The following ZNF510 variants were observed in gnomAD, a reference collection of about 807,000 sequenced individuals.
ZNF510 encodes zinc finger protein 510.
In ZNF510, 15 loss-of-function variants were observed where a neutral mutation model predicts 18.1. That is an observed-to-expected ratio of 0.83 (90% CI 0.55 to 1.28). ZNF510 has a LOEUF of 1.28. Ranked by LOEUF, ZNF510 falls within the 50% of genes most tolerant of loss-of-function variation. The pLI is 0.00. For missense variants in ZNF510, 724 were observed against 791.8 expected, an observed-to-expected ratio of 0.91 and a Z score of 1.03; for synonymous variants, 261 against 266.4, an observed-to-expected ratio of 0.98 and a Z score of 0.20.
At chr9:96,768,448 C>T (rs73656959) in intron 3 of ZNF510, among the ~76,000 whole-genome samples, 9,029 of 152,026 alleles carry the variant, frequency 0.059, 882 homozygotes, top group African/African-American at 0.2. Context: ...AGATTTAATA[C>T]ATGGAAAAGA....
At chr9:96,767,314 C>T (rs186622611) in intron 3 of ZNF510, among the ~76,000 whole-genome samples, 13 of 149,604 alleles carry the variant, frequency 8.7e-5, no homozygotes, top group Admixed American at 3.9e-4. Flanking sequence ...GGTGATAGAG[C>T]GAGACTCTGT....
In ZNF510 at chr9:96,759,772, T is replaced by C. The variant is rs543421114; in HGVS notation, c.1058A>G (p.Asp353Gly). ...NNFNRKAHLT[D>G]PQTAVIEENP... Reference sequence around the variant, plus strand: ...CTCTTCTATGACAGCTGTTTGAGGATCAGTGAGGTGTGCCTTTCTGTTGAA... The same window carrying C: ...CTCTTCTATGACAGCTGTTTGAGGACCAGTGAGGTGTGCCTTTCTGTTGAA... Residue 353 changes from aspartate (D) to glycine (G), a missense_variant, in exon 6 of 6, where the codon GAT becomes GGT. Physicochemically the swap from Asp to Gly is moderately conservative, Grantham distance 94. Transcript: ENST00000223428. 1 of 1,614,090 alleles carries C rather than the reference T, an allele frequency of 6.2e-7. No homozygotes were observed. The highest frequency in any genetic ancestry group is 1.1e-5 in the South Asian group (1 of 91,080).
rs1280291560 is a variant in ZNF510 at position 96,759,415 on chromosome 9, T to A, written c.1415A>T (p.Lys472Met). The A allele has an allele frequency of 6.2e-7, 1 of 1,614,066 alleles. No individual in the cohort carries two copies. The highest frequency in any genetic ancestry group is 2.2e-5 in the East Asian group (1 of 44,894). The change falls in exon 6 of 6, where the codon AAG becomes ATG. Residue 472 changes from lysine to methionine, a missense_variant. Physicochemically the swap from Lys to Met is moderately conservative, Grantham distance 95. Transcript: ENST00000223428. Reference protein sequence around the residue: ...CNECGKTFVQKSTLRGHQRIH... With the variant: ...CNECGKTFVQMSTLRGHQRIH... ...TCTTTGATGTCCCCTGAGGGTTGACTTCTGGACAAATGTTTTTCCACATTC... is the reference window on the plus strand; with the variant it reads ...TCTTTGATGTCCCCTGAGGGTTGACATCTGGACAAATGTTTTTCCACATTC...
Position 96,776,104 on chromosome 9 carries a change from A to C in ZNF510, c.-35T>G, listed in dbSNP as rs1280747829. ...TGGTGCTCTCTGGGCAAGGGGATGA[A>C]GAAGTGCCGCTGGTTGGGCAAATCA... On this transcript the variant is annotated 5_prime_UTR_variant, in exon 2 of 6. Transcript: ENST00000223428. The C allele has an allele frequency of 6.3e-7, 1 of 1,577,216 alleles. No homozygotes were observed. The highest frequency in any genetic ancestry group is 8.6e-7 in the Non-Finnish European group (1 of 1,159,600).
chr9:96,767,691 C>T (rs1849505511), intron 3 of ZNF510, among the ~76,000 whole-genome samples: 1 of 152,100 alleles, frequency 6.6e-6, no homozygotes, highest in African/African-American at 2.4e-5. Context: ...AACAGAACAT[C>T]CGAACAGACT....
intron 2 of ZNF510, 66 bp downstream of exon 2, chr9:96,775,934 C>A: frequency 1.3e-5 from 20 of 1,550,596 alleles, no homozygotes; most frequent in Non-Finnish European, 1.7e-5. Flanking sequence ...TGGAGAAAAG[C>A]CCTCCAGTAA....
Position 96,758,754 on chromosome 9 carries a change from C to G in ZNF510, c.*24G>C. 2 of 1,528,198 alleles carry G rather than the reference C, an allele frequency of 1.3e-6. No individual in the cohort carries two copies. The highest frequency in any genetic ancestry group is 1.4e-5 in the African/African-American group (1 of 72,020). 94.7% of individuals were successfully genotyped at this position (1,528,198 alleles called of 1,614,324 possible). ...ATATCAAATGGGGTATTCCTTTTGT[C>G]AAAAGGATTTTCTAGTTATTACATC... On this transcript the variant is annotated 3_prime_UTR_variant, in exon 6 of 6. Coordinates refer to ENST00000223428, the MANE Select transcript of ZNF510 (RefSeq NM_014930.3).
At chr9:96,773,076 A>T (rs1849616000) in intron 3 of ZNF510, among the ~76,000 whole-genome samples, 1 of 152,242 alleles carries the variant, frequency 6.6e-6, no homozygotes, top group South Asian at 2.1e-4. Context: ...CATTCCCTTG[A>T]AAACTGTAAA....
intron 4 of ZNF510, 67 bp from the exon 5 acceptor site, chr9:96,763,280 A>G (rs1224528019): frequency 1.4e-5 from 21 of 1,529,054 alleles, no homozygotes; most frequent in Non-Finnish European, 1.8e-5. Flanking sequence ...AAAGTGGAAG[A>G]AAATACAGCT....
chr9:96,761,723 T>C (rs1849352631), intron 5 of ZNF510, among the ~76,000 whole-genome samples: 1 of 152,218 alleles, frequency 6.6e-6, no homozygotes, highest in South Asian at 2.1e-4. Context: ...GACCTTTACA[T>C]AAATATAGCC....
intron 3 of ZNF510, among the ~76,000 whole-genome samples, chr9:96,765,113 A>T (rs1277133443): frequency 1.5e-5 from 2 of 137,702 alleles, no homozygotes; most frequent in Non-Finnish European, 3.0e-5. Flanking sequence ...ATTCTTGTAT[A>T]AAAAACAACA....
intron 5 of ZNF510, among the ~76,000 whole-genome samples, chr9:96,762,064 G>GT (rs1211643074): frequency 6.7e-6 from 1 of 148,944 alleles, no homozygotes; most frequent in African/African-American, 2.6e-5. Context: ...AGGGTGGGAA[G>GT]GGGGACTGGG....
At chr9:96,776,674 A>G (rs965476174) in intron 1 of ZNF510, among the ~76,000 whole-genome samples, 1 of 152,206 alleles carries the variant, frequency 6.6e-6, no homozygotes, top group African/African-American at 2.4e-5. Flanking sequence ...TGAGATTACA[A>G]GCTGGGAGGC....
chr9:96,758,932 C>T lies in ZNF510; in HGVS notation c.1898G>A (p.Cys633Tyr), dbSNP rs754050516. The T allele has an allele frequency of 3.7e-6, 6 of 1,614,096 alleles. No individual in the cohort carries two copies. Among genetic ancestry groups the T allele is most frequent in the South Asian group, 3.3e-5 (3 of 91,080 alleles). Residue 633 changes from cysteine (C) to tyrosine (Y), a missense_variant, in exon 6 of 6, where the codon TGT (cysteine) becomes TAT (tyrosine). Cys to Tyr is a radical substitution (Grantham distance 194). Coordinates refer to ENST00000223428, the MANE Select transcript of ZNF510 (RefSeq NM_014930.3). ...TGATTTCTGGCCAAAAGTTTTCCCA[C>T]ATTTATTACACTGAAAGGGTTTCTC... The part of the protein sequence containing the change: ...TGEKPFQCNK[C>Y]GKTFGQKSNL...
chr9:96,768,030 A>AATTT (rs1849510761), intron 3 of ZNF510, among the ~76,000 whole-genome samples: 1 of 152,240 alleles, frequency 6.6e-6, no homozygotes, highest in African/African-American at 2.4e-5. Context: ...GACCAAGTAC[A>AATTT]ATTTATTTCC....
intron 3 of ZNF510, among the ~76,000 whole-genome samples, chr9:96,766,398 T>G (rs1371516032): frequency 6.8e-6 from 1 of 146,484 alleles, no homozygotes. Flanking sequence ...TTTTTGTAAA[T>G]AAAGTTTTCT....
rs780630243 is a variant in ZNF510, at chr9:96,760,470, G to A, written c.360C>T (p.Tyr120=). 1.9e-6 allele frequency: 3 copies of A among 1,590,618 alleles called. No homozygotes were observed. Among genetic ancestry groups the A allele is most frequent in the Middle Eastern group, 3.4e-4 (2 of 5,922 alleles). ...EFSNQSHPKD[Y]RGDDLIKQNK... Reference sequence around the variant, plus strand: ...TCTGCTTGATCAGGTCATCACCTCTGTAATCTTCTAAAACAGAAATATTGA... The same window carrying A: ...TCTGCTTGATCAGGTCATCACCTCTATAATCTTCTAAAACAGAAATATTGA... The change falls in exon 6 of 6, where the codon TAC becomes TAT. Residue 120 remains tyrosine (Y), a synonymous_variant. Coordinates refer to ENST00000223428, the MANE Select transcript of ZNF510 (RefSeq NM_014930.3).
intron 2 of ZNF510, 74 bp from the exon 3 acceptor site, chr9:96,774,920 G>A (rs1745565005): frequency 7.4e-7 from 1 of 1,356,696 alleles, no homozygotes; most frequent in South Asian, 1.2e-5. Flanking sequence ...CATCACACCA[G>A]CTGGGGAAAA....
intron 3 of ZNF510, among the ~76,000 whole-genome samples, chr9:96,773,620 G>A (rs946078915): frequency 3.3e-5 from 5 of 151,324 alleles, no homozygotes; most frequent in Admixed American, 3.3e-4. Context: ...CTGTCGCCCA[G>A]GCTGGAGTGC....
Sources: allele counts gnomAD v4.1 joint callset (sites outside exome capture counted in the v4.1 genomes callset), GRCh38; gene constraint gnomAD v4.1.1; transcripts MANE v1.5; gene names NCBI Gene and HGNC (gene_info 2026-07-23, HGNC 2026-07-21).